The following ROR1 variants were observed in gnomAD, a reference collection of about 807,000 sequenced individuals.
ROR1 encodes inactive tyrosine-protein kinase transmembrane receptor ROR1.
In ROR1, 19 loss-of-function variants were observed where a neutral mutation model predicts 78.8. The ratio of observed to expected loss-of-function variants is 0.24; its 90% CI spans 0.17 to 0.35. ROR1 has a LOEUF of 0.35. ROR1 is among the 10% of genes least tolerant of loss of function. The pLI, the probability that ROR1 is intolerant of heterozygous loss-of-function variation, is 1.00. For synonymous variants in ROR1, 386 were observed against 433.6 expected (o/e 0.89, Z 1.36); for missense variants, 917 against 1,177.8 (o/e 0.78, Z 3.24).
At chr1:64,078,566 C>G (rs566157388) in intron 4 of ROR1, among the ~76,000 whole-genome samples, 46 of 152,132 alleles carry the variant, frequency 3.0e-4, no homozygotes, top group African/African-American at 1.1e-3. Context: ...AGAGCCTATT[C>G]CTAGGGTAGG....
At chr1:64,052,659 C>T (rs566883677) in intron 4 of ROR1, among the ~76,000 whole-genome samples, 18 of 152,232 alleles carry the variant, frequency 1.2e-4, no homozygotes, top group African/African-American at 2.6e-4. Flanking sequence ...TTTGATATCA[C>T]GCATCTCTGT....
intron 2 of ROR1, among the ~76,000 whole-genome samples, chr1:64,011,614 A>G (rs915144228): frequency 6.6e-6 from 1 of 152,188 alleles, no homozygotes; most frequent in Non-Finnish European, 1.5e-5. Flanking sequence ...TGGTGTCAAT[A>G]GTATGAACCT....
At chr1:64,151,889 A>AAG (rs1649635928) in intron 7 of ROR1, among the ~76,000 whole-genome samples, 1 of 151,660 alleles carries the variant, frequency 6.6e-6, no homozygotes, top group South Asian at 2.1e-4. Flanking sequence ...TCTCAAAAAA[A>AAG]AAAAAAAGTT....
chr1:64,110,450 A>G (rs994299046), intron 4 of ROR1, among the ~76,000 whole-genome samples: 13 of 152,132 alleles, frequency 8.5e-5, no homozygotes, highest in African/African-American at 2.2e-4. Context: ...TCAATTGAAC[A>G]TTGAACCCTG....
intron 1 of ROR1, among the ~76,000 whole-genome samples, chr1:63,862,050 C>A (rs1325439291): frequency 1.3e-5 from 2 of 151,624 alleles, no homozygotes; most frequent in African/African-American, 4.8e-5. Flanking sequence ...TATTCTTTAC[C>A]TTATTTCAGG....
At chr1:63,826,877 G>C (rs887120664) in intron 1 of ROR1, among the ~76,000 whole-genome samples, 2 of 151,998 alleles carry the variant, frequency 1.3e-5, no homozygotes, top group Non-Finnish European at 2.9e-5. Context: ...CTGTGGTTTT[G>C]ACTTGCATTT....
At chr1:64,010,500 A>G (rs1013549254) in intron 2 of ROR1, among the ~76,000 whole-genome samples, 1 of 152,158 alleles carries the variant, frequency 6.6e-6, no homozygotes, top group Non-Finnish European at 1.5e-5. Flanking sequence ...ATTTGTGTGC[A>G]AATACATTCA....
intron 4 of ROR1, among the ~76,000 whole-genome samples, chr1:64,052,601 G>A (rs551793194): frequency 2.6e-5 from 4 of 152,260 alleles, no homozygotes; most frequent in African/African-American, 9.6e-5. Flanking sequence ...TCTATGGAGA[G>A]GGTATTGAAG....
chr1:63,927,901 C>G (rs995193101), intron 1 of ROR1, among the ~76,000 whole-genome samples: 7 of 151,746 alleles, frequency 4.6e-5, no homozygotes, highest in African/African-American at 1.7e-4. Context: ...AAATATCTCA[C>G]TATCCATAGT....
At chr1:63,886,888 T>G (rs1299714768) in intron 1 of ROR1, among the ~76,000 whole-genome samples, 1 of 152,170 alleles carries the variant, frequency 6.6e-6, no homozygotes, top group South Asian at 2.1e-4. Flanking sequence ...GAATGGGAGT[T>G]GAAGTTTGAG....
chr1:64,146,907 T>C (rs1214475745), intron 7 of ROR1, among the ~76,000 whole-genome samples: 1 of 152,196 alleles, frequency 6.6e-6, no homozygotes, highest in Non-Finnish European at 1.5e-5. Context: ...GGGGTAGGTA[T>C]GATTAACATA....
intron 1 of ROR1, chr1:63,788,622 T>TTATATATA (rs141697301): frequency 6.6e-6 from 1 of 152,508 alleles, no homozygotes; most frequent in African/African-American, 2.5e-5. Context: ...ATATTATATG[T>TTATATATA]TATATATATA....
intron 1 of ROR1, among the ~76,000 whole-genome samples, chr1:63,850,209 A>G (rs569423102): frequency 6.6e-6 from 1 of 152,358 alleles, no homozygotes; most frequent in South Asian, 2.1e-4. Context: ...TAGGAATTGC[A>G]TGTTGATCTA....
At chr1:63,786,506 C>T (rs577681048) in intron 1 of ROR1, among the ~76,000 whole-genome samples, 41 of 150,828 alleles carry the variant, frequency 2.7e-4, no homozygotes, top group African/African-American at 8.0e-4. Context: ...TCTCCTGACC[C>T]CGTGATCCTC....
intron 1 of ROR1, among the ~76,000 whole-genome samples, chr1:63,832,213 C>T (rs772450678): frequency 6.6e-6 from 1 of 152,148 alleles, no homozygotes; most frequent in Non-Finnish European, 1.5e-5. Context: ...TCTTCTGAGC[C>T]CTTCAAATTT....
At chr1:63,828,113 T>A (rs780838074) in intron 1 of ROR1, among the ~76,000 whole-genome samples, 3 of 152,122 alleles carry the variant, frequency 2.0e-5, no homozygotes, top group Non-Finnish European at 4.4e-5. Context: ...AGAAAAAAAA[T>A]TCCACTTAAT....
chr1:63,941,270 T>TA, intron 1 of ROR1, among the ~76,000 whole-genome samples: 1 of 152,250 alleles, frequency 6.6e-6, no homozygotes, highest in Non-Finnish European at 1.5e-5. Context: ...ACTGAAATAT[T>TA]AAGGGGCAAA....
Position 63,774,836 on chromosome 1 carries a change from C to G in ROR1, c.91+328C>G, listed in dbSNP as rs896375055. ...ATCGGGGCACTTCTGTGCAGGGCGT[C>G]CCCCCTTGTCTCCCTGGACCTCTAG... On this transcript the variant is annotated intron_variant, in intron 1 of 8. Transcript: ENST00000371079. The surrounding 1 kb of genome is among the most constrained non-coding windows in gnomAD (Gnocchi z 5.7). 4.6e-5 allele frequency among the ~76,000 whole-genome samples: 7 copies of G among 152,024 alleles called. No homozygotes were observed. Among genetic ancestry groups the G allele is most frequent in the South Asian group, 2.1e-4 (1 of 4,830 alleles).
At chr1:63,984,301 G>A (rs1306056952) in intron 1 of ROR1, among the ~76,000 whole-genome samples, 3 of 152,148 alleles carry the variant, frequency 2.0e-5, no homozygotes, top group African/African-American at 7.2e-5. Flanking sequence ...AGTGGAAGGG[G>A]TCTGGTCAAG....
Sources: allele counts gnomAD v4.1 joint callset (sites outside exome capture counted in the v4.1 genomes callset), GRCh38; gene constraint gnomAD v4.1.1; non-coding constraint Gnocchi (gnomAD v3.1); transcripts MANE v1.5; gene names NCBI Gene and HGNC (gene_info 2026-07-23, HGNC 2026-07-21).